Variants in LIPI observed in about 807,000 individuals in gnomAD.
LIPI encodes lipase I.
LIPI carries 59 observed loss-of-function variants against 50.6 expected under a neutral mutation model. The observed-to-expected ratio is 1.16, with a 90% CI of 0.94 to 1.45. The LOEUF (loss-of-function observed/expected upper bound fraction) is 1.45. LIPI is among the 40% of genes most tolerant of loss of function. The probability of loss-of-function intolerance (pLI) is 0.00; values close to 1 mark genes in which losing one functional copy is unlikely to be tolerated. For missense variants in LIPI, 586 were observed against 536.3 expected (o/e 1.09, Z -0.92); for synonymous variants, 203 against 178.2 (o/e 1.14, Z -1.11).
intron 9 of LIPI, among the ~76,000 whole-genome samples, chr21:14,124,172 C>A (rs547527015): frequency 6.6e-6 from 1 of 151,878 alleles, no homozygotes; most frequent in African/African-American, 2.4e-5. Context: ...AATAGTGGAC[C>A]GAAAAACTAC....
chr21:14,208,156 A>G (rs1276897988), intron 1 of LIPI, among the ~76,000 whole-genome samples: 1 of 152,204 alleles, frequency 6.6e-6, no homozygotes, highest in Admixed American at 6.6e-5. Context: ...TGAGGCACTC[A>G]GCTCAGAATC....
chr21:14,172,771 A>T lies in LIPI; in HGVS notation c.644-6320T>A, dbSNP rs2018964166. On this transcript the variant is annotated intron_variant, in intron 4 of 9. Coordinates refer to ENST00000681601, the MANE Select transcript of LIPI (RefSeq NM_001302998.2). The stretch of plus-strand genomic sequence containing the variant: ...TAGGAGATATACCTAATGCTAAATG[A>T]CGAGTTAATGGGTGCAGCACACCAG... 2.0e-5 allele frequency among the ~76,000 whole-genome samples: 3 copies of T among 152,166 alleles called. No homozygotes were observed. The South Asian group carries it at 6.3e-4, about 32-fold the overall frequency.
At chr21:14,177,182 T>A (rs919136220) in intron 4 of LIPI, among the ~76,000 whole-genome samples, 1 of 152,140 alleles carries the variant, frequency 6.6e-6, no homozygotes, top group African/African-American at 2.4e-5. Context: ...TCTTTGTGAG[T>A]TCAAAGTTTT....
At chr21:14,204,055 G>T (rs565287611) in intron 1 of LIPI, among the ~76,000 whole-genome samples, 71 of 152,050 alleles carry the variant, frequency 4.7e-4, no homozygotes, top group Non-Finnish European at 9.1e-4. Flanking sequence ...ATGGACACAT[G>T]GGGGAGAACA....
In LIPI at chr21:14,144,714, A is replaced by T; in HGVS notation, c.1204T>A (p.Leu402Met). Residue 402 changes from leucine to methionine, a missense_variant, in exon 9 of 10, where the codon TTG becomes ATG. By Grantham distance (15) the Leu-to-Met change is conservative. Coordinates refer to ENST00000681601, the MANE Select transcript of LIPI (RefSeq NM_001302998.2). ...AGATTTGAGCTCTGGAAATATGTCAAACCAATGCTTGAAATATTTACAAAG... is the reference window on the plus strand; with the variant it reads ...AGATTTGAGCTCTGGAAATATGTCATACCAATGCTTGAAATATTTACAAAG... ...NDFVNISSIG[L>M]TYFQSSNLQC... 6.4e-7 allele frequency: 1 copy of T among 1,572,140 alleles called. No individual in the cohort carries two copies. Among genetic ancestry groups the T allele is most frequent in the Non-Finnish European group, 8.8e-7 (1 of 1,142,200 alleles).
chr21:14,191,549 A>C (rs1294537531), intron 1 of LIPI, among the ~76,000 whole-genome samples: 1 of 152,148 alleles, frequency 6.6e-6, no homozygotes, highest in East Asian at 1.9e-4. Context: ...AGATATTTAA[A>C]GGAGGTACAC....
chr21:14,176,823 T>C (rs1020221180), intron 4 of LIPI, among the ~76,000 whole-genome samples: 3 of 151,746 alleles, frequency 2.0e-5, no homozygotes, highest in Non-Finnish European at 4.4e-5. Flanking sequence ...AGTTCTATGG[T>C]ACATGTGCAC....
chr21:14,202,304 A>T lies in LIPI; in HGVS notation c.46+8496T>A, dbSNP rs2020083375. On this transcript the variant is annotated intron_variant, in intron 1 of 9. Transcript: ENST00000681601. ...TGCCATCCCCATCAAGCTACCAATG[A>T]CTTTCTTCACAGAATTCGAAAAAAC... Among the ~76,000 whole-genome samples, 7 of 152,310 alleles carry T rather than the reference A, an allele frequency of 4.6e-5. No homozygotes were observed. The South Asian group carries it at 1.2e-3, about 27-fold the overall frequency.
chr21:14,148,377 C>A (rs955791241), intron 8 of LIPI, among the ~76,000 whole-genome samples: 1 of 152,068 alleles, frequency 6.6e-6, no homozygotes, highest in African/African-American at 2.4e-5. Context: ...GACTCCTGTG[C>A]CATCTTAAAG....
intron 3 of LIPI, among the ~76,000 whole-genome samples, chr21:14,184,127 C>T (rs2019371078): frequency 6.6e-6 from 1 of 152,278 alleles, no homozygotes; most frequent in East Asian, 1.9e-4. Context: ...ACATACACAG[C>T]ATGGAATACT....
chr21:14,131,734 G>A (rs943715487), intron 9 of LIPI, among the ~76,000 whole-genome samples: 7 of 152,088 alleles, frequency 4.6e-5, no homozygotes, highest in Non-Finnish European at 1.0e-4. Flanking sequence ...TCCTCAAAGT[G>A]CCAGGTAAAT....
chr21:14,186,042 G>C lies in LIPI; in HGVS notation c.460C>G (p.His154Asp), dbSNP rs115706095. 790 of 1,602,016 alleles carry C rather than the reference G, an allele frequency of 4.9e-4. 3 individuals carry two copies. In the African/African-American group the frequency reaches 9.7e-3, roughly 20 times the overall value. ...GCCCCTAAGCTCACACCTATGAAAT[G>C]AAAATTGTCAAGAGATGCACCATGC... ...LKHGASLDNF[H>D]FIGVSLGAHI... The change falls in exon 3 of 10, where the codon CAT becomes GAT. Residue 154 changes from histidine to aspartate, a missense_variant. Coordinates refer to ENST00000681601, the MANE Select transcript of LIPI (RefSeq NM_001302998.2).
intron 1 of LIPI, among the ~76,000 whole-genome samples, chr21:14,197,853 G>T (rs1478361599): frequency 7.3e-6 from 1 of 136,094 alleles, no homozygotes; most frequent in Non-Finnish European, 1.5e-5. Flanking sequence ...AAAAAAAAAT[G>T]TTAAAGGCAG....
intron 8 of LIPI, among the ~76,000 whole-genome samples, chr21:14,148,333 A>G (rs1002507795): frequency 6.6e-6 from 1 of 152,112 alleles, no homozygotes; most frequent in African/African-American, 2.4e-5. Flanking sequence ...TTTCCATTTT[A>G]AAAAGGAAAA....
Position 14,152,771 on chromosome 21 carries a change from TATAG to T in LIPI, c.1007-91_1007-88del, listed in dbSNP as rs2018144957. 4.6e-6 allele frequency: 3 copies of T among 650,306 alleles called. No individual in the cohort carries two copies. The South Asian group carries it at 5.6e-5, about 12-fold the overall frequency. The allele number at this position is 650,306 out of a possible 1,614,324, so 40.3% of individuals were successfully genotyped here. On this transcript the variant is annotated intron_variant, in intron 7 of 9. Coordinates refer to ENST00000681601, the MANE Select transcript of LIPI (RefSeq NM_001302998.2). ...ATTCAGATATATATATATGTGTATG[TATAG>T]ATAGATATGTAATCTAGGCTCATAT...
intron 7 of LIPI, among the ~76,000 whole-genome samples, chr21:14,154,951 A>C (rs1418012494): frequency 6.6e-6 from 1 of 152,092 alleles, no homozygotes; most frequent in Non-Finnish European, 1.5e-5. Context: ...CAACATTGTT[A>C]AGAAAATTAC....
At chr21:14,192,679 G>A (rs190892616) in intron 1 of LIPI, among the ~76,000 whole-genome samples, 210 of 152,124 alleles carry the variant, frequency 1.4e-3, no homozygotes, top group Middle Eastern at 3.4e-3. Context: ...AACTTTGCAG[G>A]GCAGAAGGCA....
At chr21:14,148,270 C>A (rs1238745561) in intron 8 of LIPI, among the ~76,000 whole-genome samples, 1 of 152,042 alleles carries the variant, frequency 6.6e-6, no homozygotes, top group African/African-American at 2.4e-5. Flanking sequence ...CAGGTGATCC[C>A]TATTTTCTAT....
chr21:14,149,853 G>A (rs1014347285), intron 8 of LIPI, among the ~76,000 whole-genome samples: 1 of 152,210 alleles, frequency 6.6e-6, no homozygotes, highest in Non-Finnish European at 1.5e-5. Flanking sequence ...GCTTTGCAGG[G>A]TACGGCCCCT....
Sources: gnomAD v4.1 joint callset for allele counts (sites outside exome capture counted in the v4.1 genomes callset) on GRCh38, gnomAD v4.1.1 for gene constraint, MANE v1.5 for transcripts, NCBI Gene and HGNC (gene_info 2026-07-23, HGNC 2026-07-21) for gene names.